SP100: variants seen among roughly 807,000 people sequenced by gnomAD.
SP100 encodes the protein SP100 nuclear body protein.
A neutral mutation model predicts 130.0 loss-of-function variants in SP100; 84 were observed. The observed-to-expected ratio is 0.65, with a 90% CI of 0.54 to 0.77. The LOEUF (loss-of-function observed/expected upper bound fraction) is 0.77, where lower values mean the gene tolerates loss of function less well. SP100 is among the 30% of genes least tolerant of loss of function. SP100 has a pLI of 0.00. For synonymous variants in SP100, 331 were observed against 351.7 expected (o/e 0.94, Z 0.66); for missense variants, 978 against 1,052.2 (o/e 0.93, Z 0.97).
chr2:230,533,399 G>T (rs1691793340), intron 24 of SP100, among the ~76,000 whole-genome samples: 1 of 152,208 alleles, frequency 6.6e-6, no homozygotes, highest in East Asian at 1.9e-4. Flanking sequence ...GCTATAGGAA[G>T]TAATAACTAC....
chr2:230,481,051 GTGGTGGTGT>G (rs1157997892), intron 17 of SP100, among the ~76,000 whole-genome samples: 3 of 151,678 alleles, frequency 2.0e-5, no homozygotes, highest in Non-Finnish European at 2.9e-5. Context: ...GGTGGTGGTG[GTGGTGGTGT>G]TGGTCCCTTC....
chr2:230,464,198 C>A, intron 11 of SP100, 48 bp downstream of exon 11: 1 of 1,139,668 alleles, frequency 8.8e-7, no homozygotes, highest in Non-Finnish European at 1.3e-6. Context: ...ATCCAGAGTA[C>A]AAATCCAGAG....
chr2:230,425,660 G>GTTTGC (rs1411282379), intron 2 of SP100, among the ~76,000 whole-genome samples: 2 of 152,046 alleles, frequency 1.3e-5, no homozygotes, highest in East Asian at 3.8e-4. Flanking sequence ...GTTTGGTTTG[G>GTTTGC]TAGTATTTTG....
chr2:230,461,079 TA>T (rs1170322669), intron 8 of SP100, among the ~76,000 whole-genome samples, 182 bp from the exon 9 acceptor site: 1 of 151,224 alleles, frequency 6.6e-6, no homozygotes, highest in Non-Finnish European at 1.5e-5. Flanking sequence ...AAGGGAAAGG[TA>T]AAAAACAAAA....
At chr2:230,425,227 C>G (rs574159258) in intron 2 of SP100, among the ~76,000 whole-genome samples, 1 of 152,298 alleles carries the variant, frequency 6.6e-6, no homozygotes, top group Non-Finnish European at 1.5e-5. Flanking sequence ...AGTTTCCATA[C>G]TACACATTAA....
At position 230,539,253 on chromosome 2, in the gene SP100, A is replaced by C. The variant is rs780277434; in HGVS notation, c.2095-14A>C. On this transcript the variant is annotated splice_polypyrimidine_tract_variant and intron_variant, in intron 24 of 28. Coordinates refer to ENST00000340126, the MANE Select transcript of SP100 (RefSeq NM_001080391.2). ...TCTCACTGATCCCGGTGATGTCTACATCTCCCCTTCTAGCCGGAAAACTCA... is the reference window on the plus strand; with the variant it reads ...TCTCACTGATCCCGGTGATGTCTACCTCTCCCCTTCTAGCCGGAAAACTCA... The C allele has an allele frequency of 6.3e-7, 1 of 1,576,692 alleles. No homozygotes were observed.
intron 14 of SP100, 134 bp from the exon 15 acceptor site, chr2:230,469,880 AG>A: frequency 6.6e-7 from 1 of 1,511,276 alleles, no homozygotes; most frequent in Non-Finnish European, 8.9e-7. Flanking sequence ...TCAAAGCCAA[AG>A]GGTGGCCTAG....
intron 17 of SP100, among the ~76,000 whole-genome samples, chr2:230,475,080 A>G (rs1456919167): frequency 6.6e-6 from 1 of 151,994 alleles, no homozygotes; most frequent in Non-Finnish European, 1.5e-5. Context: ...GTAGAATGGC[A>G]TTTCTGTCTT....
intron 8 of SP100, among the ~76,000 whole-genome samples, chr2:230,457,481 G>T (rs1338441824): frequency 1.3e-5 from 2 of 152,318 alleles, no homozygotes; most frequent in East Asian, 3.9e-4. Flanking sequence ...TTCAGACCAT[G>T]GGTACTGGCT....
chr2:230,515,697 A>C, intron 24 of SP100: 1 of 1,541,474 alleles, frequency 6.5e-7, no homozygotes, highest in Non-Finnish European at 8.6e-7. Flanking sequence ...GCCTGTACAC[A>C]ACTCACTCCT....
intron 24 of SP100, among the ~76,000 whole-genome samples, chr2:230,527,408 A>C (rs916424694): frequency 1.3e-5 from 2 of 152,364 alleles, no homozygotes; most frequent in African/African-American, 4.8e-5. Context: ...CTAGCCTTAC[A>C]AGAGCTCCTG....
chr2:230,432,311 T>C (rs1002710173), intron 2 of SP100, among the ~76,000 whole-genome samples: 1 of 152,248 alleles, frequency 6.6e-6, no homozygotes, highest in Admixed American at 6.5e-5. Context: ...GGATTGTTTT[T>C]ATTTTTTGAC....
chr2:230,473,070 C>G (rs1402769126), intron 15 of SP100: 2 of 325,304 alleles, frequency 6.1e-6, no homozygotes, highest in African/African-American at 4.3e-5. Context: ...TAAAACCAGC[C>G]TTTGCTCCTC....
At chr2:230,450,122 G>A (rs2063902099) in intron 7 of SP100, 50 bp from the exon 8 acceptor site, 1 of 1,347,014 alleles carries the variant, frequency 7.4e-7, no homozygotes, top group Non-Finnish European at 1.1e-6. Flanking sequence ...ATGGAAACAG[G>A]ACAGAGCAAG....
intron 24 of SP100, among the ~76,000 whole-genome samples, chr2:230,532,841 C>A (rs573214856): frequency 1.3e-5 from 2 of 152,230 alleles, no homozygotes; most frequent in Non-Finnish European, 1.5e-5. Flanking sequence ...AGTGCAGTGT[C>A]GCGATCTTGG....
intron 24 of SP100, among the ~76,000 whole-genome samples, chr2:230,526,602 A>G (rs1691439556): frequency 2.6e-5 from 4 of 152,238 alleles, no homozygotes; most frequent in Non-Finnish European, 5.9e-5. Context: ...AAGGTCAGTA[A>G]TAGCAAACTT....
intron 24 of SP100, chr2:230,520,483 C>T (rs1390370466): frequency 6.6e-6 from 1 of 152,232 alleles, no homozygotes; most frequent in East Asian, 1.9e-4. Context: ...AAAACCAGAA[C>T]TTCCACCACG....
intron 7 of SP100, 67 bp from the exon 8 acceptor site, chr2:230,450,105 T>C: frequency 8.6e-7 from 1 of 1,156,714 alleles, no homozygotes; most frequent in Non-Finnish European, 1.3e-6. Flanking sequence ...GGGTGAGGTC[T>C]AACCAAATGG....
chr2:230,497,475 AG>A (rs1449888815), intron 18 of SP100, among the ~76,000 whole-genome samples: 1 of 55,434 alleles, frequency 1.8e-5, no homozygotes, highest in African/African-American at 7.8e-5. Flanking sequence ...GAAGGAGGGG[AG>A]GGGAGGGGAG....
Sources: allele counts gnomAD v4.1 joint callset (sites outside exome capture counted in the v4.1 genomes callset), GRCh38; gene constraint gnomAD v4.1.1; transcripts MANE v1.5; gene names NCBI Gene and HGNC (gene_info 2026-07-23, HGNC 2026-07-21).